Variants in ATF1 observed in about 807,000 individuals in gnomAD.
The protein encoded by ATF1 is cyclic AMP-dependent transcription factor ATF-1.
ATF1 carries 16 observed loss-of-function variants against 34.7 expected under a neutral mutation model. The observed-to-expected ratio is 0.46, with a 90% confidence interval of 0.31 to 0.70. The LOEUF is 0.70. Ranked by LOEUF, ATF1 falls within the 30% of genes least tolerant of loss-of-function variation. ATF1 has a pLI of 0.05. For synonymous variants in ATF1, 105 were observed against 113.1 expected (o/e 0.93, Z 0.46); for missense variants, 255 against 321.6 (o/e 0.79, Z 1.58).
At chr12:50,778,698 G>A (rs1380824983) in intron 1 of ATF1, among the ~76,000 whole-genome samples, 4 of 151,478 alleles carry the variant, frequency 2.6e-5, no homozygotes, top group Non-Finnish European at 2.9e-5. Flanking sequence ...AGCAATTCTC[G>A]TGCCTTAGCC....
intron 1 of ATF1, among the ~76,000 whole-genome samples, chr12:50,778,814 C>CA (rs1231968504): frequency 2.6e-5 from 4 of 152,128 alleles, no homozygotes; most frequent in Non-Finnish European, 1.5e-5. Flanking sequence ...CTCTTCAGCT[C>CA]AGGCAGTCCG....
At chr12:50,800,686 G>A (rs1941494535) in intron 3 of ATF1, among the ~76,000 whole-genome samples, 1 of 152,294 alleles carries the variant, frequency 6.6e-6, no homozygotes, top group Non-Finnish European at 1.5e-5. Flanking sequence ...TCTAATATCT[G>A]ATGATCTGAG....
chr12:50,810,677 G>A (rs56994893), intron 4 of ATF1, among the ~76,000 whole-genome samples: 2,533 of 152,130 alleles, frequency 0.017, 74 homozygotes, highest in African/African-American at 0.058. Flanking sequence ...TACTTGTGCT[G>A]CCCATTTGTT....
At chr12:50,790,493 C>T (rs1006362126) in intron 2 of ATF1, among the ~76,000 whole-genome samples, 1 of 151,996 alleles carries the variant, frequency 6.6e-6, no homozygotes, top group Non-Finnish European at 1.5e-5. Flanking sequence ...GCACCCAGCT[C>T]TTTGTTTATT....
At chr12:50,774,577 C>A (rs996270239) in intron 1 of ATF1, among the ~76,000 whole-genome samples, 2 of 152,032 alleles carry the variant, frequency 1.3e-5, no homozygotes, top group African/African-American at 4.8e-5. Flanking sequence ...CTGTATTGAA[C>A]AAGTTTTTAA....
chr12:50,788,167 T>G (rs1156868663), intron 2 of ATF1: 1 of 447,456 alleles, frequency 2.2e-6, no homozygotes, highest in Non-Finnish European at 4.5e-6. Context: ...GGAATAAAAA[T>G]TAACTATTTT....
chr12:50,781,993 TAAC>T (rs1188464245), intron 2 of ATF1, among the ~76,000 whole-genome samples: 5 of 151,868 alleles, frequency 3.3e-5, no homozygotes, highest in Non-Finnish European at 7.4e-5. Flanking sequence ...ATTTTAATGT[TAAC>T]AATACACAAA....
intron 1 of ATF1, among the ~76,000 whole-genome samples, chr12:50,773,467 C>G (rs76162926): frequency 9.2e-5 from 1 of 10,892 alleles, no homozygotes; most frequent in African/African-American, 3.2e-4. Context: ...TTTTTTTTTT[C>G]GAGACAAAGT....
intron 3 of ATF1, chr12:50,806,415 G>T: frequency 2.0e-6 from 1 of 489,032 alleles, no homozygotes; most frequent in South Asian, 1.5e-5. Flanking sequence ...TGCTGACAAT[G>T]GTTCCCATCA....
At chr12:50,768,199 C>T (rs964446945) in intron 1 of ATF1, among the ~76,000 whole-genome samples, 1 of 152,016 alleles carries the variant, frequency 6.6e-6, no homozygotes, top group African/African-American at 2.4e-5. Context: ...TGGCAACAGT[C>T]CAGGTTCAAT....
At chr12:50,763,725 T>C (rs1343208420), upstream of ATF1, 1 of 146,342 alleles carries the variant, frequency 6.8e-6, no homozygotes, top group Non-Finnish European at 1.5e-5. Context: ...CCGGCGTCGG[T>C]CAAGGTCAAT....
intron 6 of ATF1, among the ~76,000 whole-genome samples, chr12:50,815,041 G>A (rs1941815052): frequency 6.6e-6 from 1 of 151,980 alleles, no homozygotes; most frequent in Admixed American, 6.6e-5. Flanking sequence ...AGAATGGCAT[G>A]AATCTGGGAG....
At chr12:50,780,621 A>C (rs1158637433) in intron 2 of ATF1, among the ~76,000 whole-genome samples, 1 of 150,818 alleles carries the variant, frequency 6.6e-6, no homozygotes, top group Non-Finnish European at 1.5e-5. Context: ...CTGGGATTAC[A>C]GGTGTGAGCC....
At chr12:50,805,681 A>G (rs1331289828) in intron 3 of ATF1, among the ~76,000 whole-genome samples, 3 of 151,946 alleles carry the variant, frequency 2.0e-5, no homozygotes, top group Admixed American at 1.3e-4. Context: ...ATGAATAATT[A>G]GTTCTTTCCA....
chr12:50,784,150 G>A (rs1364569759), intron 2 of ATF1, among the ~76,000 whole-genome samples: 1 of 151,348 alleles, frequency 6.6e-6, no homozygotes, highest in Non-Finnish European at 1.5e-5. Context: ...GTCACAGCAT[G>A]ATCCTGTCTC....
chr12:50,781,730 C>T (rs995738544), intron 2 of ATF1, among the ~76,000 whole-genome samples: 3 of 151,924 alleles, frequency 2.0e-5, no homozygotes, highest in Admixed American at 6.6e-5. Flanking sequence ...GGATTACAGG[C>T]GTGAGCCACC....
At position 50,814,113 on chromosome 12, in the gene ATF1, A is replaced by G; in HGVS notation, c.432A>G (p.Gln144=). ...LTMTNSGSTQ[Q]GTTILQYAQT... is the part of the protein sequence containing the mutation. Reference sequence around the variant, plus strand: ...TGACAAATTCAGGCAGTACTCAGCAAGGTACAACTATTCTTCAGTATGCAC... The same window carrying G: ...TGACAAATTCAGGCAGTACTCAGCAGGGTACAACTATTCTTCAGTATGCAC... Residue 144 remains glutamine (Q), a synonymous_variant, in exon 5 of 7, where the codon CAA becomes CAG. Transcript: ENST00000262053. 6.2e-7 allele frequency: 1 copy of G among 1,614,240 alleles called. No individual in the cohort carries two copies. The highest frequency in any genetic ancestry group is 8.5e-7 in the Non-Finnish European group (1 of 1,180,042).
At chr12:50,811,155 T>C (rs11169567) in intron 4 of ATF1, among the ~76,000 whole-genome samples, 62,206 of 151,996 alleles carry the variant, frequency 0.41, 13,495 homozygotes, top group African/African-American at 0.54. Context: ...CAGATCCTTA[T>C]GTGGCTACTC....
chr12:50,784,855 G>T (rs1300895483), intron 2 of ATF1, among the ~76,000 whole-genome samples: 2 of 151,668 alleles, frequency 1.3e-5, no homozygotes, highest in East Asian at 3.9e-4. Context: ...ATTTGCTTTT[G>T]GATTGGATGT....
Sources: allele counts gnomAD v4.1 joint callset (sites outside exome capture counted in the v4.1 genomes callset), GRCh38; gene constraint gnomAD v4.1.1; transcripts MANE v1.5; gene names NCBI Gene and HGNC (gene_info 2026-07-23, HGNC 2026-07-21).